CNOT4: variants seen among roughly 807,000 people sequenced by gnomAD.
CNOT4 encodes CCR4-NOT transcription complex subunit 4, also known as CCR4-associated factor 4.
In CNOT4, 8 loss-of-function variants were observed where a neutral mutation model predicts 73.8. The ratio of observed to expected loss-of-function variants is 0.11; its 90% confidence interval spans 0.06 to 0.20. The LOEUF (loss-of-function observed/expected upper bound fraction) is 0.20, where lower values mean the gene tolerates loss of function less well. Among genes scored for constraint, CNOT4 ranks in the 10% least tolerant of loss-of-function variants. The pLI, the probability that CNOT4 is intolerant of heterozygous loss-of-function variation, is 1.00. For missense variants in CNOT4, 564 were observed against 883.4 expected (o/e 0.64, Z 4.58); for synonymous variants, 293 against 321.1 (o/e 0.91, Z 0.94).
At chr7:135,492,399 A>C (rs1803167784) in intron 1 of CNOT4, among the ~76,000 whole-genome samples, 1 of 152,188 alleles carries the variant, frequency 6.6e-6, no homozygotes. Flanking sequence ...GGAGCAAGTG[A>C]GTTGAAGGCA....
At position 135,415,124 on chromosome 7, in the gene CNOT4, G is replaced by A. The variant is rs374839406; in HGVS notation, c.459+52C>T. ...GCAAAGTTTCCTTTGGAACAGCCCA[G>A]GTCAAGCCCAGACCATAGGGAGGAA... On this transcript the variant is annotated intron_variant, in intron 4 of 11. Coordinates refer to ENST00000541284, the MANE Select transcript of CNOT4 (RefSeq NM_001190850.2). The A allele has an allele frequency of 2.6e-5, 28 of 1,070,514 alleles. No homozygotes were observed. The African/African-American group carries it at 3.0e-4, about 11-fold the overall frequency. The allele number at this position is 1,070,514 out of a possible 1,614,324, so 66.3% of individuals were successfully genotyped here.
intron 1 of CNOT4, among the ~76,000 whole-genome samples, chr7:135,480,145 T>A (rs1040090045): frequency 6.6e-6 from 1 of 152,230 alleles, no homozygotes; most frequent in African/African-American, 2.4e-5. Flanking sequence ...GTTATTATTA[T>A]GCTGATTTTC....
intron 3 of CNOT4, among the ~76,000 whole-genome samples, chr7:135,415,988 T>A (rs946221167): frequency 6.6e-6 from 1 of 152,168 alleles, no homozygotes; most frequent in Non-Finnish European, 1.5e-5. Context: ...GAACACTATA[T>A]GCATTCTTTC....
chr7:135,418,222 A>G (rs1797976431), intron 3 of CNOT4, among the ~76,000 whole-genome samples: 1 of 152,226 alleles, frequency 6.6e-6, no homozygotes, highest in Non-Finnish European at 1.5e-5. Flanking sequence ...AATGAATTTA[A>G]ACTTTCCATA....
Position 135,393,886 on chromosome 7 carries a change from C to A in CNOT4, c.1627+32G>T, listed in dbSNP as rs1277822831. The A allele has an allele frequency of 3.3e-6, 5 of 1,516,658 alleles. No homozygotes were observed. The African/African-American group carries it at 4.2e-5, about 13-fold the overall frequency. The allele number at this position is 1,516,658 out of a possible 1,614,324, so 94.0% of individuals were successfully genotyped here. A position where few individuals can be genotyped will look rare whatever the true frequency, so the allele number is the denominator to read the frequency against. On this transcript the variant is annotated intron_variant, in intron 10 of 11. Coordinates refer to ENST00000541284, the MANE Select transcript of CNOT4 (RefSeq NM_001190850.2). The stretch of plus-strand genomic sequence containing the variant: ...CAACAACCTGAAAATATGAGTTATT[C>A]AAAAATTCTCAAAGGTTTTAAATGA...
chr7:135,419,567 C>T (rs891471972), intron 3 of CNOT4, among the ~76,000 whole-genome samples: 14 of 152,008 alleles, frequency 9.2e-5, no homozygotes, highest in African/African-American at 3.4e-4. Context: ...TAAGAAAATC[C>T]AATGTCCTCT....
At chr7:135,418,862 T>C (rs191941500) in intron 3 of CNOT4, among the ~76,000 whole-genome samples, 94 of 152,300 alleles carry the variant, frequency 6.2e-4, no homozygotes, top group Non-Finnish European at 9.7e-4. Flanking sequence ...TTCTAATATA[T>C]GTTCCCAAAA....
In CNOT4 at chr7:135,469,754, C is replaced by T. The variant is rs188019118; in HGVS notation, c.-92-31331G>A. Among the ~76,000 whole-genome samples the T allele has an allele frequency of 1.4e-3, 218 of 152,246 alleles. 1 individual carries two copies. The highest frequency in any genetic ancestry group is 2.8e-3 in the Non-Finnish European group (192 of 68,012). ...CAAGAAAAATGAAAACATACATCCA[C>T]AAAAGGGCTTATACATAAATGTTCA... On this transcript the variant is annotated intron_variant, in intron 1 of 11. Coordinates refer to ENST00000541284, the MANE Select transcript of CNOT4 (RefSeq NM_001190850.2).
Position 135,398,727 on chromosome 7 carries a change from C to T in CNOT4, c.822-501G>A, listed in dbSNP as rs183081233. On this transcript the variant is annotated intron_variant, in intron 7 of 11. Coordinates refer to ENST00000541284, the MANE Select transcript of CNOT4 (RefSeq NM_001190850.2). ...TAATAGCTTATAGGGGGAAAAAAGG[C>T]ACTGCTTACAATTAATAGATCAAAA... Among the ~76,000 whole-genome samples, 111 of 152,080 alleles carry T rather than the reference C, an allele frequency of 7.3e-4. 1 individual carries two copies. Among genetic ancestry groups the T allele is most frequent in the Admixed American group, 2.2e-3 (33 of 15,278 alleles).
At chr7:135,413,446 C>A in intron 6 of CNOT4, 42 bp downstream of exon 6, 1 of 1,588,630 alleles carries the variant, frequency 6.3e-7, no homozygotes, top group Admixed American at 1.9e-5. Flanking sequence ...AAAAAAAGTA[C>A]TCCCTTTTCT....
At chr7:135,487,453 T>C (rs1802803017) in intron 1 of CNOT4, among the ~76,000 whole-genome samples, 1 of 151,916 alleles carries the variant, frequency 6.6e-6, no homozygotes, top group South Asian at 2.1e-4. Context: ...TTTCCCAGGC[T>C]TGTCTGGAAC....
chr7:135,362,479 G>T lies in CNOT4; in HGVS notation c.*406C>A, dbSNP rs1029127077. 3 of 315,448 alleles carry T rather than the reference G, an allele frequency of 9.5e-6. No homozygotes were observed. The highest frequency in any genetic ancestry group is 4.3e-5 in the African/African-American group (2 of 46,204). The allele number at this position is 315,448 out of a possible 1,614,324, so 19.5% of individuals were successfully genotyped here. On this transcript the variant is annotated 3_prime_UTR_variant, in exon 12 of 12. Transcript: ENST00000541284. ...TAGCAATCTCACGTAAATGAACCTG[G>T]TTTTCAAACTTCTGCAGTTGATAAT...
At chr7:135,487,633 T>C (rs1408974978) in intron 1 of CNOT4, among the ~76,000 whole-genome samples, 1 of 152,124 alleles carries the variant, frequency 6.6e-6, no homozygotes, top group African/African-American at 2.4e-5. Flanking sequence ...TATTTCCAAA[T>C]GCCTAACAAA....
intron 1 of CNOT4, among the ~76,000 whole-genome samples, chr7:135,493,576 A>G (rs1803256483): frequency 6.6e-6 from 1 of 152,274 alleles, no homozygotes; most frequent in Admixed American, 6.5e-5. Context: ...AGAGGATTGA[A>G]AAAAATAGTA....
chr7:135,379,071 T>C (rs918994679), intron 10 of CNOT4, among the ~76,000 whole-genome samples: 1 of 151,926 alleles, frequency 6.6e-6, no homozygotes, highest in African/African-American at 2.4e-5. Flanking sequence ...ATAGGTAGTG[T>C]ACATTAAGAT....
At chr7:135,503,241 G>C (rs1476322200) in intron 1 of CNOT4, among the ~76,000 whole-genome samples, 1 of 152,104 alleles carries the variant, frequency 6.6e-6, no homozygotes, top group African/African-American at 2.4e-5. Context: ...GAGATAAGAG[G>C]ATCACTTAAG....
chr7:135,401,356 C>A (rs1158659840), intron 7 of CNOT4, among the ~76,000 whole-genome samples: 1 of 152,148 alleles, frequency 6.6e-6, no homozygotes, highest in Admixed American at 6.5e-5. Flanking sequence ...AGAGAGTATT[C>A]CATGACATGG....
At chr7:135,417,753 T>C (rs1215810616) in intron 3 of CNOT4, among the ~76,000 whole-genome samples, 2 of 152,186 alleles carry the variant, frequency 1.3e-5, no homozygotes, top group African/African-American at 4.8e-5. Flanking sequence ...TCATGATCCA[T>C]TACCACTTAC....
At chr7:135,489,965 G>C (rs1486195080) in intron 1 of CNOT4, among the ~76,000 whole-genome samples, 6 of 152,128 alleles carry the variant, frequency 3.9e-5, no homozygotes, top group African/African-American at 1.4e-4. Context: ...CTAGAGAAAA[G>C]AATGTAAACA....
Sources: gnomAD v4.1 joint callset for allele counts (sites outside exome capture counted in the v4.1 genomes callset) on GRCh38, gnomAD v4.1.1 for gene constraint, MANE v1.5 for transcripts, NCBI Gene and HGNC (gene_info 2026-07-23, HGNC 2026-07-21) for gene names.